SMOC2: variants seen among roughly 807,000 people sequenced by gnomAD.
The protein encoded by SMOC2 is SPARC-related modular calcium-binding protein 2.
Under a neutral mutation model 61.4 loss-of-function variants are expected in SMOC2, and 39 were observed. That is an observed-to-expected ratio of 0.64 (90% CI 0.49 to 0.83). SMOC2 has a LOEUF of 0.83. Among genes scored for constraint, SMOC2 ranks in the 40% least tolerant of loss-of-function variants. SMOC2 has a pLI of 0.00. For synonymous variants in SMOC2, 247 were observed against 239.9 expected (o/e 1.03, Z -0.27); for missense variants, 556 against 592.9 (o/e 0.94, Z 0.65).
At chr6:168,627,267 A>T (rs1786437628) in intron 9 of SMOC2, among the ~76,000 whole-genome samples, 11 of 152,182 alleles carry the variant, frequency 7.2e-5, no homozygotes, top group Admixed American at 7.2e-4. Context: ...AGCACCTTAT[A>T]AAAATTGCCC....
At chr6:168,628,938 T>G (rs1205403960) in intron 9 of SMOC2, among the ~76,000 whole-genome samples, 1 of 152,240 alleles carries the variant, frequency 6.6e-6, no homozygotes, top group Non-Finnish European at 1.5e-5. Flanking sequence ...GTCCGGTCCC[T>G]GAGAGGGAAG....
chr6:168,555,858 T>C lies in SMOC2; in HGVS notation c.637+6655T>C, dbSNP rs553910262. 1.9e-4 allele frequency among the ~76,000 whole-genome samples: 29 copies of C among 152,222 alleles called. 1 individual carries two copies. The South Asian group carries it at 2.9e-3, about 15-fold the overall frequency. The stretch of plus-strand genomic sequence containing the variant: ...CCCCTCTCGGCCCTGAGCCCTTGTC[T>C]CCTGCGCGGTCCTCCTAAGGCCGAG... On this transcript the variant is annotated intron_variant, in intron 7 of 12. Coordinates refer to ENST00000356284, the MANE Select transcript of SMOC2 (RefSeq NM_001166412.2).
intron 2 of SMOC2, among the ~76,000 whole-genome samples, chr6:168,522,024 G>A (rs1783340400): frequency 6.6e-6 from 1 of 152,124 alleles, no homozygotes; most frequent in Non-Finnish European, 1.5e-5. Flanking sequence ...CTAGTAAAAA[G>A]TGACTAAATT....
intron 9 of SMOC2, 141 bp downstream of exon 9, chr6:168,608,380 G>A: frequency 1.1e-6 from 1 of 936,412 alleles, no homozygotes; most frequent in Non-Finnish European, 1.6e-6. Context: ...TCCTTGCAGA[G>A]GGCCCTGAGT....
intron 1 of SMOC2, among the ~76,000 whole-genome samples, chr6:168,477,747 T>G (rs1273582092): frequency 6.6e-6 from 1 of 152,156 alleles, no homozygotes; most frequent in South Asian, 2.1e-4. Context: ...GAAAGTACTT[T>G]GGATGCGGTG....
chr6:168,579,227 A>C (rs1242487148), intron 7 of SMOC2, among the ~76,000 whole-genome samples: 2 of 151,630 alleles, frequency 1.3e-5, no homozygotes, highest in South Asian at 2.1e-4. Context: ...TCAAAATGCT[A>C]TTTTGATGTT....
chr6:168,538,050 G>A (rs1020980496), intron 4 of SMOC2, among the ~76,000 whole-genome samples: 2 of 151,800 alleles, frequency 1.3e-5, no homozygotes, highest in African/African-American at 4.8e-5. Flanking sequence ...CTGGAATGTG[G>A]GGGAGTGAGG....
intron 7 of SMOC2, among the ~76,000 whole-genome samples, chr6:168,598,515 C>G (rs1785386899): frequency 6.6e-6 from 1 of 152,222 alleles, no homozygotes. Context: ...GCTCCTGGAT[C>G]CCCTCTCCCA....
intron 1 of SMOC2, among the ~76,000 whole-genome samples, chr6:168,505,360 A>G (rs1359715422): frequency 6.6e-6 from 1 of 152,142 alleles, no homozygotes; most frequent in Non-Finnish European, 1.5e-5. Flanking sequence ...ATGCCAGATG[A>G]ATGACTGAAT....
At chr6:168,454,924 C>T (rs1781550141) in intron 1 of SMOC2, among the ~76,000 whole-genome samples, 1 of 152,040 alleles carries the variant, frequency 6.6e-6, no homozygotes. Context: ...GGTTTGAGAC[C>T]GGATAATAGT....
intron 1 of SMOC2, among the ~76,000 whole-genome samples, chr6:168,508,290 A>G (rs1583065645): frequency 6.6e-6 from 1 of 152,362 alleles, no homozygotes; most frequent in Non-Finnish European, 1.5e-5. Flanking sequence ...TCCACTGCCC[A>G]TCAAGGTCAC....
Position 168,502,983 on chromosome 6 carries a change from G to A in SMOC2, c.85-6932G>A, listed in dbSNP as rs192224428. On this transcript the variant is annotated intron_variant, in intron 1 of 12. Coordinates refer to ENST00000356284, the MANE Select transcript of SMOC2 (RefSeq NM_001166412.2). Reference sequence around the variant, plus strand: ...GGGTTTCACTGTGTTAGCCAGGATGGTCTTGATCTCCTGACCTTGTGATCT... The same window carrying A: ...GGGTTTCACTGTGTTAGCCAGGATGATCTTGATCTCCTGACCTTGTGATCT... Among the ~76,000 whole-genome samples the A allele has an allele frequency of 7.7e-3, 1,159 of 150,124 alleles. 13 individuals are homozygous for A. The highest frequency in any genetic ancestry group is 0.026 in the African/African-American group (1,040 of 40,772).
intron 11 of SMOC2, among the ~76,000 whole-genome samples, chr6:168,658,732 C>T (rs557005949): frequency 5.9e-5 from 9 of 152,070 alleles, no homozygotes; most frequent in African/African-American, 1.2e-4. Context: ...TTGAAAATTT[C>T]GGGATGAAAC....
At chr6:168,547,062 C>T in intron 5 of SMOC2, 57 bp from the exon 6 acceptor site, 2 of 1,610,232 alleles carry the variant, frequency 1.2e-6, no homozygotes, top group South Asian at 2.2e-5. Context: ...TGCACACTTA[C>T]TTAACTTACT....
At chr6:168,486,754 TACAAAACAAA>T (rs112463258) in intron 1 of SMOC2, among the ~76,000 whole-genome samples, 7 of 151,966 alleles carry the variant, frequency 4.6e-5, no homozygotes, top group Admixed American at 2.6e-4. Context: ...AACGGCATTT[TACAAAACAAA>T]ACAAAACAAA....
intron 1 of SMOC2, among the ~76,000 whole-genome samples, chr6:168,471,505 C>T (rs1781966960): frequency 6.6e-6 from 1 of 152,204 alleles, no homozygotes; most frequent in Admixed American, 6.5e-5. Context: ...GATACTTGGG[C>T]TAATGCTGCT....
chr6:168,529,581 A>G (rs982465575), intron 4 of SMOC2, among the ~76,000 whole-genome samples: 4 of 148,898 alleles, frequency 2.7e-5, no homozygotes, highest in African/African-American at 5.2e-5. Flanking sequence ...CTCCGCACAC[A>G]TGTGGGCACG....
At chr6:168,492,559 T>TAA (rs1164487302) in intron 1 of SMOC2, among the ~76,000 whole-genome samples, 1 of 152,138 alleles carries the variant, frequency 6.6e-6, no homozygotes, top group Non-Finnish European at 1.5e-5. Flanking sequence ...TGGCAGAAAA[T>TAA]ATACACACAA....
At chr6:168,478,813 A>G (rs1383271813) in intron 1 of SMOC2, among the ~76,000 whole-genome samples, 1 of 152,070 alleles carries the variant, frequency 6.6e-6, no homozygotes, top group Non-Finnish European at 1.5e-5. Context: ...GGAACGTTGA[A>G]TGATTCATGG....
Sources: gnomAD v4.1 joint callset for allele counts (sites outside exome capture counted in the v4.1 genomes callset) on GRCh38, gnomAD v4.1.1 for gene constraint, MANE v1.5 for transcripts, NCBI Gene and HGNC (gene_info 2026-07-23, HGNC 2026-07-21) for gene names.